ADGRL2: variants seen among roughly 807,000 people sequenced by gnomAD.
The protein encoded by ADGRL2 is calcium-independent alpha-latrotoxin receptor 2.
ADGRL2 carries 44 observed loss-of-function variants against 157.4 expected under a neutral mutation model. That is an observed-to-expected ratio of 0.28 (90% confidence interval 0.22 to 0.36). The LOEUF is 0.36. Ranked by LOEUF, ADGRL2 falls within the 10% of genes least tolerant of loss-of-function variation. The pLI is 1.00. For synonymous variants in ADGRL2, 585 were observed against 624.7 expected (o/e 0.94, Z 0.95); for missense variants, 1,510 against 1,768.9 (o/e 0.85, Z 2.63).
At chr1:81,434,461 A>G (rs1021513546) in intron 1 of ADGRL2, among the ~76,000 whole-genome samples, 1 of 152,082 alleles carries the variant, frequency 6.6e-6, no homozygotes, top group Non-Finnish European at 1.5e-5. Context: ...CTTCATTACC[A>G]TAGGAACTGC....
intron 3 of ADGRL2, among the ~76,000 whole-genome samples, chr1:81,646,122 C>CT (rs996579179): frequency 2.3e-4 from 35 of 152,076 alleles, no homozygotes; most frequent in African/African-American, 8.2e-4. Flanking sequence ...GCCTCATGAC[C>CT]TTTGTGGGGT....
intron 2 of ADGRL2, among the ~76,000 whole-genome samples, chr1:81,533,137 G>A (rs955424875): frequency 2.0e-4 from 31 of 152,160 alleles, no homozygotes; most frequent in African/African-American, 7.0e-4. Context: ...CCAGAACTTT[G>A]GGAGGCCGAG....
intron 2 of ADGRL2, among the ~76,000 whole-genome samples, chr1:81,892,418 A>G (rs529099815): frequency 1.3e-5 from 2 of 152,210 alleles, no homozygotes; most frequent in Admixed American, 1.3e-4. Flanking sequence ...CCCACCCACC[A>G]CACTCCCTGT....
At chr1:81,426,345 C>A (rs201039836) in intron 1 of ADGRL2, 1 of 267,878 alleles carries the variant, frequency 3.7e-6, no homozygotes. Context: ...GGAGAAAGGG[C>A]AGAGAAAGTT....
chr1:81,748,592 T>A (rs945293110), intron 1 of ADGRL2, among the ~76,000 whole-genome samples: 5 of 152,032 alleles, frequency 3.3e-5, no homozygotes, highest in Non-Finnish European at 5.9e-5. Context: ...GAAACATATT[T>A]ATCTGAAAAG....
At chr1:81,406,781 C>T (rs1466913264) in intron 1 of ADGRL2, among the ~76,000 whole-genome samples, 1 of 152,098 alleles carries the variant, frequency 6.6e-6, no homozygotes, top group African/African-American at 2.4e-5. Context: ...GCTCCCCAAT[C>T]AGCAACATCT....
At chr1:81,427,660 T>C (rs544594620) in intron 1 of ADGRL2, 598 of 521,138 alleles carry the variant, frequency 1.1e-3, no homozygotes, top group Non-Finnish European at 1.6e-3. Flanking sequence ...AGAGAGAAAT[T>C]GTTAGGAAAG....
At chr1:81,479,502 T>G (rs2078341744) in intron 2 of ADGRL2, among the ~76,000 whole-genome samples, 1 of 151,892 alleles carries the variant, frequency 6.6e-6, no homozygotes, top group Non-Finnish European at 1.5e-5. Flanking sequence ...AAAAGAAATT[T>G]CTTCTTAAAC....
chr1:81,766,830 CAAA>C (rs71592740), intron 2 of ADGRL2, among the ~76,000 whole-genome samples: 6 of 81,090 alleles, frequency 7.4e-5, no homozygotes, highest in Non-Finnish European at 1.4e-4. Context: ...AACTCCGTCT[CAAA>C]AAAAAAAAAA....
intron 2 of ADGRL2, among the ~76,000 whole-genome samples, chr1:81,454,769 T>TCCTTCC (rs746902178): frequency 1.2e-4 from 19 of 152,190 alleles, no homozygotes; most frequent in Non-Finnish European, 2.4e-4. Context: ...ACTGGAATGC[T>TCCTTCC]CCTTCCTTTT....
chr1:81,949,545 T>G (rs2149049797), intron 6 of ADGRL2, among the ~76,000 whole-genome samples: 1 of 152,300 alleles, frequency 6.6e-6, no homozygotes, highest in Admixed American at 6.5e-5. Context: ...ACTAGCTGCT[T>G]CTTCATACCT....
intron 3 of ADGRL2, among the ~76,000 whole-genome samples, chr1:81,909,422 A>G (rs899905783): frequency 6.6e-6 from 1 of 152,182 alleles, no homozygotes; most frequent in African/African-American, 2.4e-5. Flanking sequence ...TAACAAGTTC[A>G]ACTTAAGAAA....
Position 81,979,938 on chromosome 1 carries a change from T to TCTG in ADGRL2, c.3093_3094insGCT (p.Ser1031_Ser1032insAla). On this transcript the variant is annotated inframe_insertion, in exon 18 of 24. Coordinates refer to ENST00000686636, the MANE Select transcript of ADGRL2 (RefSeq NM_001366006.2). ...GCATTCAAACACTTTGAAACCAGAT[T>TCTG]CTAGCAGGTTGGAAAACATTAAGTA... The TCTG allele has an allele frequency of 6.2e-7, 1 of 1,602,688 alleles. No individual in the cohort carries two copies. Among genetic ancestry groups the TCTG allele is most frequent in the Non-Finnish European group, 8.5e-7 (1 of 1,170,886 alleles).
chr1:81,663,643 T>C (rs1048749089), intron 3 of ADGRL2, among the ~76,000 whole-genome samples: 5 of 152,194 alleles, frequency 3.3e-5, no homozygotes, highest in African/African-American at 1.2e-4. Flanking sequence ...TCATTGTAAT[T>C]TGGTCATTTT....
chr1:81,578,242 G>C (rs1202703271), intron 2 of ADGRL2, among the ~76,000 whole-genome samples: 4 of 152,060 alleles, frequency 2.6e-5, no homozygotes, highest in Admixed American at 6.6e-5. Flanking sequence ...AAATGAGACT[G>C]GTATCCAGGT....
intron 23 of ADGRL2, chr1:81,989,550 T>A: frequency 1.3e-6 from 1 of 757,670 alleles, no homozygotes; most frequent in South Asian, 1.9e-5. Context: ...AGGCTGCTAT[T>A]GCTGGTAATC....
intron 2 of ADGRL2, among the ~76,000 whole-genome samples, chr1:81,524,083 A>G (rs1276192859): frequency 7.3e-6 from 1 of 137,152 alleles, no homozygotes; most frequent in African/African-American, 2.7e-5. Flanking sequence ...AAAATGGGCC[A>G]GGCGCAGTGG....
At chr1:81,404,050 C>T (rs1026757843) in intron 1 of ADGRL2, among the ~76,000 whole-genome samples, 2 of 152,122 alleles carry the variant, frequency 1.3e-5, no homozygotes, top group African/African-American at 4.8e-5. Flanking sequence ...TCCACCTCGG[C>T]CTCCCAAAGT....
intron 3 of ADGRL2, among the ~76,000 whole-genome samples, chr1:81,594,738 A>G (rs1158751043): frequency 2.6e-5 from 4 of 152,218 alleles, no homozygotes; most frequent in African/African-American, 9.6e-5. Context: ...TTGAAATCCT[A>G]CCTTTCAGAA....
Sources: gnomAD v4.1 joint callset for allele counts (sites outside exome capture counted in the v4.1 genomes callset) on GRCh38, gnomAD v4.1.1 for gene constraint, MANE v1.5 for transcripts, NCBI Gene and HGNC (gene_info 2026-07-23, HGNC 2026-07-21) for gene names.